The following DISC1 variants were observed in gnomAD, a reference collection of about 807,000 sequenced individuals.
DISC1 encodes the protein disrupted in schizophrenia 1 protein.
In DISC1, 57 loss-of-function variants were observed where a neutral mutation model predicts 84.5. The observed-to-expected ratio is 0.67, with a 90% CI of 0.55 to 0.84. The LOEUF (loss-of-function observed/expected upper bound fraction) is 0.84. DISC1 is among the 40% of genes least tolerant of loss of function. DISC1 has a pLI of 0.00. For missense variants in DISC1, 1,000 were observed against 1,057.8 expected (o/e 0.95, Z 0.76); for synonymous variants, 411 against 415.2 (o/e 0.99, Z 0.12).
At chr1:231,721,311 A>T (rs975865568) in intron 3 of DISC1, among the ~76,000 whole-genome samples, 1 of 152,190 alleles carries the variant, frequency 6.6e-6, no homozygotes, top group African/African-American at 2.4e-5. Flanking sequence ...AAAAGAAAAA[A>T]AGTTTTTAGG....
At chr1:231,878,116 A>G (rs1028842578) in intron 9 of DISC1, among the ~76,000 whole-genome samples, 1 of 152,250 alleles carries the variant, frequency 6.6e-6, no homozygotes, top group Non-Finnish European at 1.5e-5. Flanking sequence ...TTTATTAAGC[A>G]TATTCTATCA....
At chr1:232,000,478 A>G (rs1242985673) in intron 10 of DISC1, among the ~76,000 whole-genome samples, 1 of 152,200 alleles carries the variant, frequency 6.6e-6, no homozygotes, top group Non-Finnish European at 1.5e-5. Context: ...TCCACCATTT[A>G]TATCACTGGA....
chr1:231,823,908 T>C (rs1022465141), intron 9 of DISC1, among the ~76,000 whole-genome samples: 2 of 152,160 alleles, frequency 1.3e-5, no homozygotes, highest in African/African-American at 4.8e-5. Context: ...AAGATCCAGT[T>C]TTTCAGCAGA....
intron 2 of DISC1, among the ~76,000 whole-genome samples, chr1:231,699,316 T>A (rs1480884368): frequency 1.3e-5 from 2 of 152,140 alleles, no homozygotes; most frequent in African/African-American, 2.4e-5. Context: ...AAAATAGTTC[T>A]TGCCCCCCAG....
chr1:231,669,014 T>C (rs2062301923), intron 1 of DISC1, among the ~76,000 whole-genome samples: 1 of 152,250 alleles, frequency 6.6e-6, no homozygotes, highest in South Asian at 2.1e-4. Flanking sequence ...CCTGCAATGG[T>C]GACTGGAGTC....
chr1:231,885,614 G>A (rs1017664099), intron 9 of DISC1, among the ~76,000 whole-genome samples: 1 of 152,196 alleles, frequency 6.6e-6, no homozygotes, highest in African/African-American at 2.4e-5. Flanking sequence ...CTGCATTTAT[G>A]TGGGTAGTCT....
intron 3 of DISC1, among the ~76,000 whole-genome samples, chr1:231,746,782 A>G (rs1338076193): frequency 5.3e-5 from 8 of 151,962 alleles, no homozygotes; most frequent in Non-Finnish European, 1.2e-4. Context: ...TGTTCGGATT[A>G]TTTGCCCATT....
In DISC1 at chr1:231,944,224, T is replaced by C. The variant is rs534977833; in HGVS notation, c.1982-14604T>C. 3.0e-4 allele frequency among the ~76,000 whole-genome samples: 46 copies of C among 152,290 alleles called. 2 individuals are homozygous for C. The South Asian group carries it at 9.3e-3, about 31-fold the overall frequency. ...AGATTTGTGCACAGACACTCCAGCA[T>C]GTGTGTCTGAGTTTTGTCTACCTGC... On this transcript the variant is annotated intron_variant, in intron 9 of 12. Transcript: ENST00000439617.
At chr1:232,027,225 C>T (rs1200456524) in intron 12 of DISC1, among the ~76,000 whole-genome samples, 1 of 152,168 alleles carries the variant, frequency 6.6e-6, no homozygotes, top group Non-Finnish European at 1.5e-5. Flanking sequence ...CAATACCAAG[C>T]GTCCTAAATC....
intron 9 of DISC1, among the ~76,000 whole-genome samples, chr1:231,867,948 C>T (rs1302629517): frequency 3.3e-5 from 5 of 152,212 alleles, no homozygotes; most frequent in African/African-American, 1.2e-4. Flanking sequence ...AAAAAAGCTG[C>T]CACTGTCCCC....
At chr1:231,816,326 C>T (rs1006087371) in intron 8 of DISC1, among the ~76,000 whole-genome samples, 4 of 152,132 alleles carry the variant, frequency 2.6e-5, no homozygotes, top group Admixed American at 6.5e-5. Flanking sequence ...TTGTAGTATT[C>T]AATTCCTTGT....
At chr1:232,022,623 T>A (rs1205527074) in intron 11 of DISC1, among the ~76,000 whole-genome samples, 1 of 152,100 alleles carries the variant, frequency 6.6e-6, no homozygotes, top group Admixed American at 6.6e-5. Flanking sequence ...ATGGTTCTGA[T>A]CCCACCCTGC....
rs548477041 is a variant in DISC1, at chr1:231,927,724, G to A, written c.1982-31104G>A. 5.9e-5 allele frequency among the ~76,000 whole-genome samples: 9 copies of A among 152,290 alleles called. No individual in the cohort carries two copies. The South Asian group carries it at 1.0e-3, about 18-fold the overall frequency. On this transcript the variant is annotated intron_variant, in intron 9 of 12. Transcript: ENST00000439617. Reference sequence around the variant, plus strand: ...GTAAAGGGCCCTGATAAAATGCGACGAGAGCTAGGCACGTGGATTTTTATG... The same window carrying A: ...GTAAAGGGCCCTGATAAAATGCGACAAGAGCTAGGCACGTGGATTTTTATG...
At chr1:231,987,185 T>C (rs1023449069) in intron 10 of DISC1, among the ~76,000 whole-genome samples, 5 of 152,246 alleles carry the variant, frequency 3.3e-5, no homozygotes, top group South Asian at 2.1e-4. Flanking sequence ...ATTTTTAGAC[T>C]TCAATTTAGA....
intron 10 of DISC1, among the ~76,000 whole-genome samples, chr1:231,979,584 C>T (rs1215921058): frequency 1.3e-5 from 2 of 150,730 alleles, no homozygotes; most frequent in Admixed American, 6.6e-5. Context: ...TTCCAAATAT[C>T]CTCAGTATAA....
rs373542875 is a variant in DISC1 at position 231,971,507 on chromosome 1, A to C, written c.2042+12619A>C. 5.9e-5 allele frequency among the ~76,000 whole-genome samples: 9 copies of C among 152,314 alleles called. No homozygotes were observed. In the East Asian group the frequency reaches 9.6e-4, roughly 16 times the overall value. On this transcript the variant is annotated intron_variant, in intron 10 of 12. Coordinates refer to ENST00000439617, the MANE Select transcript of DISC1 (RefSeq NM_018662.3). ...AAATGTAGGTTAGACAAAATATTACATGCAACATTTTCTATGATTCATTTT... is the reference window on the plus strand; with the variant it reads ...AAATGTAGGTTAGACAAAATATTACCTGCAACATTTTCTATGATTCATTTT...
intron 8 of DISC1, among the ~76,000 whole-genome samples, chr1:231,805,617 C>G (rs1011389177): frequency 2.0e-5 from 3 of 150,858 alleles, no homozygotes; most frequent in African/African-American, 4.9e-5. Context: ...CAATCACCTT[C>G]CACTGGTGCT....
At chr1:232,014,378 G>T (rs1418164526) in intron 11 of DISC1, among the ~76,000 whole-genome samples, 1 of 152,136 alleles carries the variant, frequency 6.6e-6, no homozygotes, top group East Asian at 1.9e-4. Flanking sequence ...CCATCAGCTG[G>T]TTTTGCTCTT....
chr1:231,752,244 T>C (rs1195767449), intron 4 of DISC1, among the ~76,000 whole-genome samples: 1 of 152,112 alleles, frequency 6.6e-6, no homozygotes, highest in Non-Finnish European at 1.5e-5. Context: ...ATGAAAGAAG[T>C]TAATTGTCTC....
Sources: gnomAD v4.1 joint callset for allele counts (sites outside exome capture counted in the v4.1 genomes callset) on GRCh38, gnomAD v4.1.1 for gene constraint, MANE v1.5 for transcripts, NCBI Gene and HGNC (gene_info 2026-07-23, HGNC 2026-07-21) for gene names.